NGLY1: variants seen among roughly 807,000 people sequenced by gnomAD.
NGLY1 encodes the protein peptide-N(4)-(N-acetyl-beta-glucosaminyl)asparagine amidase.
A neutral mutation model predicts 84.6 loss-of-function variants in NGLY1; 68 were observed. The observed-to-expected ratio is 0.80, with a 90% CI of 0.66 to 0.98. The LOEUF (loss-of-function observed/expected upper bound fraction) is 0.98. Among genes scored for constraint, NGLY1 ranks in the 50% least tolerant of loss-of-function variants. The probability of loss-of-function intolerance (pLI) is 0.00; values close to 1 mark genes in which losing one functional copy is unlikely to be tolerated. For synonymous variants in NGLY1, 280 were observed against 275.2 expected, an observed-to-expected ratio of 1.02 and a Z score of -0.17; for missense variants, 779 against 770.2, an observed-to-expected ratio of 1.01 and a Z score of -0.14.
At chr3:25,728,398 AG>A (rs1187266428) in intron 10 of NGLY1, among the ~76,000 whole-genome samples, 2 of 152,162 alleles carry the variant, frequency 1.3e-5, no homozygotes, top group African/African-American at 4.8e-5. Flanking sequence ...TAACTTTAAA[AG>A]CTTCCTATAA....
intron 2 of NGLY1, among the ~76,000 whole-genome samples, chr3:25,764,612 G>C (rs921542019): frequency 6.6e-6 from 1 of 151,252 alleles, no homozygotes; most frequent in Non-Finnish European, 1.5e-5. Context: ...CAATAAGTCA[G>C]AAGGCCTCAT....
At chr3:25,731,704 A>T (rs1409286894) in intron 9 of NGLY1, among the ~76,000 whole-genome samples, 4 of 152,158 alleles carry the variant, frequency 2.6e-5, no homozygotes, top group Non-Finnish European at 4.4e-5. Flanking sequence ...ATAGCCATCA[A>T]CAGTGAAAAA....
At chr3:25,734,567 C>G (rs1431523839) in intron 7 of NGLY1, 1 of 155,726 alleles carries the variant, frequency 6.4e-6, no homozygotes, top group Non-Finnish European at 1.4e-5. Flanking sequence ...AAAAAATTAG[C>G]CAGGTGTGGT....
Position 25,735,985 on chromosome 3 carries a change from T to C in NGLY1, c.1149+19A>G, listed in dbSNP as rs773758861. 1 of 1,567,292 alleles carries C rather than the reference T, an allele frequency of 6.4e-7. No homozygotes were observed. The highest frequency in any genetic ancestry group is 8.6e-7 in the Non-Finnish European group (1 of 1,161,814). On this transcript the variant is annotated intron_variant, in intron 7 of 11. Coordinates refer to ENST00000280700, the MANE Select transcript of NGLY1 (RefSeq NM_018297.4). ...TATATTTTACTTTTGGAAAAAAGTT[T>C]TTTTCTTTTATGCTCTACCTCATCT...
intron 10 of NGLY1, among the ~76,000 whole-genome samples, chr3:25,722,192 G>C (rs1265702758): frequency 6.6e-6 from 1 of 151,410 alleles, no homozygotes; most frequent in Non-Finnish European, 1.5e-5. Context: ...ACTCCAGCCC[G>C]GGTGACAGAG....
In NGLY1 at chr3:25,720,045, TCG is replaced by T; in HGVS notation, c.1756_1757del (p.Arg586IlefsTer2). 1 of 1,613,738 alleles carries T rather than the reference TCG, an allele frequency of 6.2e-7. No individual in the cohort carries two copies. Among genetic ancestry groups the T allele is most frequent in the Non-Finnish European group, 8.5e-7 (1 of 1,179,780 alleles). On this transcript the variant is annotated frameshift_variant, in exon 11 of 12. Transcript: ENST00000280700. LOFTEE classifies it high-confidence loss of function. ...FQTGTVEWKL[R>X]SDTAQVELTG... ...TCAGTTCTACTTGTGCTGTATCAGA[TCG>T]CAATTTCCATTCTACTGTTCCAGTC...
chr3:25,744,452 A>G (rs1488351172), intron 4 of NGLY1, among the ~76,000 whole-genome samples: 1 of 152,192 alleles, frequency 6.6e-6, no homozygotes, highest in African/African-American at 2.4e-5. Flanking sequence ...TAGACCCAGA[A>G]TATGATTTTT....
chr3:25,788,194 G>C (rs541939978), upstream of NGLY1, among the ~76,000 whole-genome samples: 137 of 152,288 alleles, frequency 9.0e-4, 1 homozygote, highest in African/African-American at 3.3e-3. Context: ...AGTGGTTGTT[G>C]AAAATAGCAA....
In NGLY1 at chr3:25,764,092, A is replaced by T. The variant is rs1299577184; in HGVS notation, c.466T>A (p.Ser156Thr). ...NQHTRNRQGQ[S>T]SDPPSASTVA... ...GTTGAAGCAGATGGTGGATCTGATG[A>T]CTGCCCTTGACGGTTCCTTGTGTGC... Residue 156 changes from serine (S) to threonine (T), a missense_variant, in exon 3 of 12, where the codon TCA becomes ACA. By Grantham distance (58) the Ser-to-Thr change is moderately conservative. Coordinates refer to ENST00000280700, the MANE Select transcript of NGLY1 (RefSeq NM_018297.4). 2 of 1,614,212 alleles carry T rather than the reference A, an allele frequency of 1.2e-6. No homozygotes were observed.
At chr3:25,790,032 G>C (rs1708692027) in exon 1 of NGLY1, 2 of 830,504 alleles carry the variant, frequency 2.4e-6, no homozygotes, top group South Asian at 3.1e-5. Context: ...ACGCGTGCGT[G>C]GGAAAGCGCA....
At chr3:25,724,652 TCTC>T (rs1705163513) in intron 10 of NGLY1, among the ~76,000 whole-genome samples, 1 of 152,092 alleles carries the variant, frequency 6.6e-6, no homozygotes, top group Non-Finnish European at 1.5e-5. Context: ...TTCTCACTAT[TCTC>T]CTCCATATTC....
intron 2 of NGLY1, among the ~76,000 whole-genome samples, chr3:25,776,065 C>A (rs372255181): frequency 1.3e-4 from 20 of 152,126 alleles, no homozygotes; most frequent in Middle Eastern, 3.2e-3. Context: ...TGTCTAAAGC[C>A]GAACAGAAAC....
At chr3:25,744,819 T>C (rs1575627676) in intron 4 of NGLY1, among the ~76,000 whole-genome samples, 2 of 152,206 alleles carry the variant, frequency 1.3e-5, no homozygotes, top group Admixed American at 6.5e-5. Flanking sequence ...GGAAATGTAA[T>C]GGCTGGAGCT....
intron 2 of NGLY1, chr3:25,777,874 T>C (rs913800601): frequency 2.0e-5 from 3 of 152,246 alleles, no homozygotes; most frequent in African/African-American, 7.2e-5. Context: ...TGAAGAAAAG[T>C]GAATCTTACA....
chr3:25,758,945 T>A (rs1443865526), intron 3 of NGLY1, among the ~76,000 whole-genome samples: 1 of 152,160 alleles, frequency 6.6e-6, no homozygotes, highest in African/African-American at 2.4e-5. Flanking sequence ...AAATGTAGAT[T>A]CTAAACTTCA....
intron 10 of NGLY1, among the ~76,000 whole-genome samples, chr3:25,721,561 AAC>A (rs1704990265): frequency 6.6e-6 from 1 of 150,886 alleles, no homozygotes; most frequent in Non-Finnish European, 1.5e-5. Flanking sequence ...AAACCATCCT[AAC>A]ACAGTGAAAC....
chr3:25,733,920 C>T lies in NGLY1; in HGVS notation c.1212G>A (p.Lys404=), dbSNP rs1447382152. The change falls in exon 8 of 12, where the codon AAG becomes AAA. Residue 404 remains lysine (K), a synonymous_variant. Transcript: ENST00000280700. ...KHEEVIARRT[K]VKEALLRDTI... ...TGTCTCGAAGTAATGCTTCTTTAAC[C>T]TTAGTTCTTCTGGCAATCACCTCTT... The T allele has an allele frequency of 2.5e-6, 4 of 1,613,698 alleles. No homozygotes were observed. Among genetic ancestry groups the T allele is most frequent in the Non-Finnish European group, 3.4e-6 (4 of 1,179,864 alleles).
At chr3:25,776,711 A>C (rs566417682) in intron 2 of NGLY1, among the ~76,000 whole-genome samples, 1 of 152,172 alleles carries the variant, frequency 6.6e-6, no homozygotes, top group Non-Finnish European at 1.5e-5. Flanking sequence ...GCTTAAACCA[A>C]AACATAGGTA....
chr3:25,748,032 CT>C (rs2125504900), intron 4 of NGLY1, among the ~76,000 whole-genome samples: 1 of 152,242 alleles, frequency 6.6e-6, no homozygotes, highest in South Asian at 2.1e-4. Flanking sequence ...CCAGAGTGTT[CT>C]TCACAATTAA....
Sources: gnomAD v4.1 joint callset for allele counts (sites outside exome capture counted in the v4.1 genomes callset) on GRCh38, gnomAD v4.1.1 for gene constraint, MANE v1.5 for transcripts, NCBI Gene and HGNC (gene_info 2026-07-23, HGNC 2026-07-21) for gene names.